The following MAGI2 variants were observed in gnomAD, a reference collection of about 807,000 sequenced individuals.
MAGI2 encodes the protein membrane-associated guanylate kinase, WW and PDZ domain-containing protein 2.
Under a neutral mutation model 133.3 loss-of-function variants are expected in MAGI2, and 35 were observed. The observed-to-expected ratio is 0.26, with a 90% CI of 0.20 to 0.35. The LOEUF (loss-of-function observed/expected upper bound fraction) is 0.35, where lower values mean the gene tolerates loss of function less well. Among genes scored for constraint, MAGI2 ranks in the 10% least tolerant of loss-of-function variants. The pLI, the probability that MAGI2 is intolerant of heterozygous loss-of-function variation, is 1.00. For missense variants in MAGI2, 1,636 were observed against 1,863.4 expected (o/e 0.88, Z 2.25); for synonymous variants, 729 against 710.6 (o/e 1.03, Z -0.41).
chr7:79,411,777 A>C (rs1846159555), intron 1 of MAGI2: 1 of 152,100 alleles, frequency 6.6e-6, no homozygotes, highest in Non-Finnish European at 1.5e-5. Flanking sequence ...TCGTGATTGA[A>C]GTCTTTTATT....
At chr7:78,302,781 C>T (rs566087826) in intron 9 of MAGI2, among the ~76,000 whole-genome samples, 2 of 152,268 alleles carry the variant, frequency 1.3e-5, no homozygotes, top group Admixed American at 1.3e-4. Flanking sequence ...TCCCCCATTC[C>T]CCACCAAGCT....
At chr7:78,659,205 C>T (rs1443302362) in intron 2 of MAGI2, among the ~76,000 whole-genome samples, 1 of 151,948 alleles carries the variant, frequency 6.6e-6, no homozygotes, top group African/African-American at 2.4e-5. Context: ...TAATTCAGCA[C>T]TTTGGGAGGC....
rs540081426 is a variant in MAGI2, at chr7:78,688,379, T to A, written c.419-61140A>T. Among the ~76,000 whole-genome samples the A allele has an allele frequency of 3.3e-5, 5 of 152,314 alleles. No individual in the cohort carries two copies. In the South Asian group the frequency reaches 8.3e-4, roughly 25 times the overall value. On this transcript the variant is annotated intron_variant, in intron 2 of 21. Coordinates refer to ENST00000354212, the MANE Select transcript of MAGI2 (RefSeq NM_012301.4). ...TATTTTCTTCCTACCAAAAACAGAT[T>A]CAAGTTCTTATTAAATACTATGTTT...
intron 6 of MAGI2, among the ~76,000 whole-genome samples, chr7:78,448,998 C>T (rs189336145): frequency 6.6e-6 from 1 of 152,060 alleles, no homozygotes; most frequent in African/African-American, 2.4e-5. Context: ...CAAAGGGCAT[C>T]TGATCTGGCT....
intron 21 of MAGI2, among the ~76,000 whole-genome samples, chr7:78,064,051 CTAGT>C (rs1813558443): frequency 6.6e-6 from 1 of 152,130 alleles, no homozygotes; most frequent in South Asian, 2.1e-4. Context: ...GGATTACAGA[CTAGT>C]TAAAGTAAAT....
At position 78,201,339 on chromosome 7, in the gene MAGI2, T is replaced by C. The variant is rs986209231; in HGVS notation, c.2048-146A>G. 73 of 483,154 alleles carry C rather than the reference T, an allele frequency of 1.5e-4. No individual in the cohort carries two copies. In the Middle Eastern group the frequency reaches 1.6e-3, roughly 11 times the overall value. The allele number at this position is 483,154 out of a possible 1,614,324, so 29.9% of individuals were successfully genotyped here. A position where few individuals can be genotyped will look rare whatever the true frequency, so the allele number is the denominator to read the frequency against. On this transcript the variant is annotated intron_variant, in intron 10 of 21. Transcript: ENST00000354212. ...ACTTCTGCCTGGCTGTATCGTTTTCTTCAAGGAGCTCAAAATCAAATAATT... is the reference window on the plus strand; with the variant it reads ...ACTTCTGCCTGGCTGTATCGTTTTCCTCAAGGAGCTCAAAATCAAATAATT...
In MAGI2 at chr7:79,350,497, T is replaced by C. The variant is rs564001216; in HGVS notation, c.301+102523A>G. On this transcript the variant is annotated intron_variant, in intron 1 of 21. Coordinates refer to ENST00000354212, the MANE Select transcript of MAGI2 (RefSeq NM_012301.4). ...GTGAGAAAAGTGATAATAAGGACCTTGCCTAATTTTCTTATAATTACAGTT... is the reference window on the plus strand; with the variant it reads ...GTGAGAAAAGTGATAATAAGGACCTCGCCTAATTTTCTTATAATTACAGTT... Among the ~76,000 whole-genome samples the C allele has an allele frequency of 2.0e-5, 3 of 152,262 alleles. No individual in the cohort carries two copies. The South Asian group carries it at 6.2e-4, about 32-fold the overall frequency.
intron 9 of MAGI2, among the ~76,000 whole-genome samples, chr7:78,268,330 G>A (rs1794218455): frequency 6.6e-6 from 1 of 152,204 alleles, no homozygotes; most frequent in South Asian, 2.1e-4. Context: ...ATGCAAAACA[G>A]CTAATTAAAT....
rs1399515378 is a variant in MAGI2 at position 78,194,981 on chromosome 7, G to C, written c.2162C>G (p.Pro721Arg). ...AGGAAAGGAGCTCCTGTGAAGGGCA[G>C]GTGGGAAGGGCAGGTTCTGCGGTAT... The part of the protein sequence containing the change: ...PAIPQNLPFP[P>R]ALHRSSFPDS... The change falls in exon 12 of 22, where the codon CCT becomes CGT. Residue 721 changes from proline (P) to arginine (R), a missense_variant. By Grantham distance (103) the Pro-to-Arg change is moderately radical (BLOSUM62 -2). This residue lies in a region of MAGI2 where 920 missense variants were observed against 1,093.5 expected (regional missense o/e 0.84). Transcript: ENST00000354212. 1 of 1,614,130 alleles carries C rather than the reference G, an allele frequency of 6.2e-7. No individual in the cohort carries two copies. The highest frequency in any genetic ancestry group is 1.1e-5 in the South Asian group (1 of 91,066).
chr7:79,391,112 T>C lies in MAGI2; in HGVS notation c.301+61908A>G, dbSNP rs553040143. 2.2e-4 allele frequency among the ~76,000 whole-genome samples: 34 copies of C among 152,284 alleles called. No homozygotes were observed. In the South Asian group the frequency reaches 2.7e-3, roughly 12 times the overall value. ...CCTGACAGTTTTTACATAAAGAACT[T>C]TGAGAAATTTCAGAAGTTGACTTCC... On this transcript the variant is annotated intron_variant, in intron 1 of 21. Coordinates refer to ENST00000354212, the MANE Select transcript of MAGI2 (RefSeq NM_012301.4).
intron 2 of MAGI2, among the ~76,000 whole-genome samples, chr7:78,786,149 A>C (rs1054580395): frequency 4.6e-5 from 7 of 151,900 alleles, no homozygotes; most frequent in African/African-American, 1.2e-4. Flanking sequence ...GAAAAAAAAA[A>C]CAAAAAAACC....
intron 10 of MAGI2, among the ~76,000 whole-genome samples, chr7:78,227,269 A>G (rs1470572452): frequency 6.6e-6 from 1 of 152,244 alleles, no homozygotes; most frequent in East Asian, 1.9e-4. Context: ...TAAAACACCT[A>G]CACTGGTCAT....
At chr7:78,869,829 C>T (rs1305349755) in intron 2 of MAGI2, among the ~76,000 whole-genome samples, 2 of 152,186 alleles carry the variant, frequency 1.3e-5, no homozygotes, top group African/African-American at 4.8e-5. Flanking sequence ...TGGGTGGGGG[C>T]ACAAAGGCTA....
intron 2 of MAGI2, chr7:79,000,078 T>C (rs1402530224): frequency 6.6e-6 from 1 of 152,202 alleles, no homozygotes; most frequent in African/African-American, 2.4e-5. Context: ...GGGTTGAAAG[T>C]TGTAGTTTGC....
chr7:78,574,363 C>T lies in MAGI2; in HGVS notation c.539-52718G>A, dbSNP rs1584700839. Among the ~76,000 whole-genome samples, 5 of 152,310 alleles carry T rather than the reference C, an allele frequency of 3.3e-5. 1 individual carries two copies. The South Asian group carries it at 1.0e-3, about 32-fold the overall frequency. On this transcript the variant is annotated intron_variant, in intron 3 of 21. Coordinates refer to ENST00000354212, the MANE Select transcript of MAGI2 (RefSeq NM_012301.4). ...TTTCCTGATTCTGAAAATGTGTTGG[C>T]CTCTCCAGTCTTCTGATTCCTTGCC...
At chr7:78,121,147 T>C (rs1405655673) in intron 20 of MAGI2, among the ~76,000 whole-genome samples, 2 of 151,476 alleles carry the variant, frequency 1.3e-5, no homozygotes, top group Non-Finnish European at 2.9e-5. Context: ...ACTATACAAC[T>C]TTTAGAAGAA....
chr7:78,196,967 C>A (rs1463970495), intron 11 of MAGI2, among the ~76,000 whole-genome samples: 1 of 152,216 alleles, frequency 6.6e-6, no homozygotes, highest in Non-Finnish European at 1.5e-5. Context: ...GGGTCAGAAC[C>A]ACCCTGTAAC....
intron 6 of MAGI2, among the ~76,000 whole-genome samples, chr7:78,461,393 C>CGTGTGTGTGT (rs10654835): frequency 0.039 from 5,343 of 138,038 alleles, 222 homozygotes; most frequent in East Asian, 0.23. Flanking sequence ...CGTGTGTGTG[C>CGTGTGTGTGT]GTGTGTGTGT....
chr7:78,408,392 C>G (rs1290804470), intron 6 of MAGI2, among the ~76,000 whole-genome samples: 3 of 151,998 alleles, frequency 2.0e-5, no homozygotes, highest in African/African-American at 7.2e-5. Flanking sequence ...TCATTGGTTT[C>G]TCTCCTTCAC....
Sources: gnomAD v4.1 joint callset for allele counts (sites outside exome capture counted in the v4.1 genomes callset) on GRCh38, gnomAD v4.1.1 for gene constraint, gnomAD v4.1.1 regional missense constraint, MANE v1.5 for transcripts, NCBI Gene and HGNC (gene_info 2026-07-23, HGNC 2026-07-21) for gene names.